Variants in WDFY3 observed in about 807,000 individuals in gnomAD.
The protein encoded by WDFY3 is WD repeat and FYVE domain-containing protein 3.
A neutral mutation model predicts 409.6 loss-of-function variants in WDFY3; 66 were observed. The ratio of observed to expected loss-of-function variants is 0.16; its 90% CI spans 0.13 to 0.20. The LOEUF (loss-of-function observed/expected upper bound fraction) is 0.20. Among genes scored for constraint, WDFY3 ranks in the 10% least tolerant of loss-of-function variants. The pLI is 1.00. For missense variants in WDFY3, 3,031 were observed against 4,298.1 expected, an observed-to-expected ratio of 0.71 and a Z score of 8.24; for synonymous variants, 1,521 against 1,537.1, an observed-to-expected ratio of 0.99 and a Z score of 0.25.
intron 64 of WDFY3, among the ~76,000 whole-genome samples, chr4:84,681,511 T>G (rs372534787): frequency 1.3e-5 from 2 of 152,220 alleles, no homozygotes; most frequent in African/African-American, 2.4e-5. Context: ...GGGATCTTTT[T>G]TCTTCTCTGG....
At chr4:84,687,937 C>G in intron 62 of WDFY3, 149 bp downstream of exon 62, 1 of 814,062 alleles carries the variant, frequency 1.2e-6, no homozygotes, top group Non-Finnish European at 2.0e-6. Context: ...GTGCCTACAG[C>G]CCAGAAGTCC....
At chr4:84,944,131 A>G (rs1053231283) in intron 1 of WDFY3, among the ~76,000 whole-genome samples, 1 of 152,246 alleles carries the variant, frequency 6.6e-6, no homozygotes, top group Non-Finnish European at 1.5e-5. Flanking sequence ...AAAACAAACA[A>G]TAAGACTCTA....
intron 33 of WDFY3, among the ~76,000 whole-genome samples, chr4:84,756,189 T>G (rs1741409423): frequency 6.6e-6 from 1 of 152,194 alleles, no homozygotes; most frequent in African/African-American, 2.4e-5. Flanking sequence ...TTTTTTTTCC[T>G]AATCCGAATT....
intron 23 of WDFY3, among the ~76,000 whole-genome samples, chr4:84,787,232 C>T (rs535281499): frequency 1.3e-5 from 2 of 152,114 alleles, no homozygotes; most frequent in East Asian, 3.9e-4. Context: ...AGGGCATATA[C>T]CTATATCTCA....
intron 35 of WDFY3, among the ~76,000 whole-genome samples, chr4:84,753,316 C>T (rs1282407466): frequency 6.6e-6 from 1 of 152,074 alleles, no homozygotes. Context: ...TACCTACTTC[C>T]TAAAATAAAA....
chr4:84,853,963 G>A (rs149537300), intron 4 of WDFY3, among the ~76,000 whole-genome samples: 194 of 152,284 alleles, frequency 1.3e-3, no homozygotes, highest in African/African-American at 4.5e-3. Context: ...TGATTCCTGT[G>A]CTCATGAAAC....
At chr4:84,889,175 T>C (rs934718187) in intron 3 of WDFY3, among the ~76,000 whole-genome samples, 11 of 152,300 alleles carry the variant, frequency 7.2e-5, no homozygotes, top group East Asian at 5.8e-4. Flanking sequence ...ATGTCTCTAT[T>C]TCTTGTCAGG....
At chr4:84,938,654 T>C (rs1267942524) in intron 1 of WDFY3, among the ~76,000 whole-genome samples, 2 of 152,184 alleles carry the variant, frequency 1.3e-5, no homozygotes, top group Non-Finnish European at 2.9e-5. Flanking sequence ...TTAAATGTTT[T>C]CAATATTTTG....
chr4:84,787,738 T>C, intron 22 of WDFY3, 25 bp from the exon 23 acceptor site: 11 of 1,573,884 alleles, frequency 7.0e-6, no homozygotes, highest in Non-Finnish European at 9.6e-6. Context: ...AAAGCAAATG[T>C]GTGAGATGTG....
At chr4:84,822,210 A>T (rs1479557557) in intron 10 of WDFY3, among the ~76,000 whole-genome samples, 1 of 152,184 alleles carries the variant, frequency 6.6e-6, no homozygotes, top group Non-Finnish European at 1.5e-5. Flanking sequence ...AATTATAAAG[A>T]AATTAAGACA....
Position 84,774,829 on chromosome 4 carries a change from T to A in WDFY3, c.4745A>T (p.Asp1582Val). ...FLLQGFPSSN[D>V]LLRFGQFISS... ...AAGAAGTTTTTCCTACCTGAGCAGA[T>A]CATTGCTGCTAGGAAAACCTTGCAG... The change falls in exon 29 of 68, where the codon GAT (aspartate) becomes GTT (valine). Residue 1582 changes from aspartate (D) to valine (V), a missense_variant. Asp to Val is a radical substitution (Grantham distance 152). This residue lies in a region of WDFY3 where 342 missense variants were observed against 463.7 expected (regional missense o/e 0.74). Coordinates refer to ENST00000295888, the MANE Select transcript of WDFY3 (RefSeq NM_014991.6). 6.2e-7 allele frequency: 1 copy of A among 1,610,162 alleles called. No homozygotes were observed. The highest frequency in any genetic ancestry group is 1.7e-4 in the Middle Eastern group (1 of 5,988).
At chr4:84,849,269 G>T (rs570476079) in intron 5 of WDFY3, among the ~76,000 whole-genome samples, 1 of 151,970 alleles carries the variant, frequency 6.6e-6, no homozygotes, top group Admixed American at 6.6e-5. Flanking sequence ...AGTAGCTTAT[G>T]GTCTACTGGG....
chr4:84,924,548 A>G (rs2150896903), intron 2 of WDFY3, among the ~76,000 whole-genome samples: 2 of 152,324 alleles, frequency 1.3e-5, no homozygotes, highest in Middle Eastern at 3.4e-3. Context: ...GATACTATCA[A>G]TTCCATTTTT....
At chr4:84,955,333 G>C (rs549199665) in intron 1 of WDFY3, among the ~76,000 whole-genome samples, 30 of 152,132 alleles carry the variant, frequency 2.0e-4, no homozygotes, top group Non-Finnish European at 2.9e-4. Flanking sequence ...ACTATATCTA[G>C]GGCTGTGAAT....
chr4:84,808,297 C>T (rs569902215), intron 15 of WDFY3, 37 bp downstream of exon 15: 3 of 1,543,110 alleles, frequency 1.9e-6, no homozygotes, highest in Admixed American at 1.8e-5. Context: ...AGGAACCCCA[C>T]ACAAATAGAG....
chr4:84,740,932 C>T (rs898671675), intron 38 of WDFY3, among the ~76,000 whole-genome samples: 1 of 152,044 alleles, frequency 6.6e-6, no homozygotes, highest in Non-Finnish European at 1.5e-5. Context: ...CATATGCTAA[C>T]AAAACATGTA....
intron 2 of WDFY3, among the ~76,000 whole-genome samples, chr4:84,901,583 A>G (rs1383291977): frequency 6.6e-6 from 1 of 152,200 alleles, no homozygotes; most frequent in Non-Finnish European, 1.5e-5. Context: ...GCAACAGAAA[A>G]CAGACTAAGA....
chr4:84,788,740 C>T (rs1301387169), intron 22 of WDFY3, among the ~76,000 whole-genome samples: 1 of 152,150 alleles, frequency 6.6e-6, no homozygotes, highest in Non-Finnish European at 1.5e-5. Context: ...TTCAAGTGAT[C>T]GCCCTAAAAT....
chr4:84,876,621 GA>G (rs1341605257), intron 3 of WDFY3, among the ~76,000 whole-genome samples: 1 of 151,706 alleles, frequency 6.6e-6, no homozygotes, highest in Non-Finnish European at 1.5e-5. Context: ...TCAATAAAGA[GA>G]ACCAAATCTT....
Sources: allele counts gnomAD v4.1 joint callset (sites outside exome capture counted in the v4.1 genomes callset), GRCh38; gene constraint gnomAD v4.1.1; regional missense constraint gnomAD v4.1.1; transcripts MANE v1.5; gene names NCBI Gene and HGNC (gene_info 2026-07-23, HGNC 2026-07-21).